DNAJC5B: variants seen among roughly 807,000 people sequenced by gnomAD.
The protein encoded by DNAJC5B is dnaJ homolog subfamily C member 5B.
Under a neutral mutation model 24.7 loss-of-function variants are expected in DNAJC5B, and 23 were observed. The ratio of observed to expected loss-of-function variants is 0.93; its 90% CI spans 0.67 to 1.32. The LOEUF is 1.32. Ranked by LOEUF, DNAJC5B falls within the 40% of genes most tolerant of loss-of-function variation. The pLI is 0.00. For missense variants in DNAJC5B, 238 were observed against 240.8 expected (o/e 0.99, Z 0.08); for synonymous variants, 101 against 90.1 (o/e 1.12, Z -0.68).
Position 66,089,638 on chromosome 8 carries a change from T to G in DNAJC5B, c.505+9090T>G, listed in dbSNP as rs1389186401. Among the ~76,000 whole-genome samples the G allele has an allele frequency of 2.6e-5, 4 of 152,214 alleles. No individual in the cohort carries two copies. The East Asian group carries it at 7.7e-4, about 29-fold the overall frequency. ...AGCTAAAGTCTAAGATACCTTTTGATGATACAAAATTGTATCAATCTTTGT... is the reference window on the plus strand; with the variant it reads ...AGCTAAAGTCTAAGATACCTTTTGAGGATACAAAATTGTATCAATCTTTGT... On this transcript the variant is annotated intron_variant, in intron 5 of 5. Transcript: ENST00000276570.
chr8:66,087,711 C>A (rs576242997), intron 5 of DNAJC5B, among the ~76,000 whole-genome samples: 72 of 152,330 alleles, frequency 4.7e-4, no homozygotes, highest in African/African-American at 1.6e-3. Flanking sequence ...CCTGGCTGGG[C>A]AGTCATTAAA....
intron 3 of DNAJC5B, chr8:66,057,066 G>T (rs963616581): frequency 6.6e-6 from 1 of 152,250 alleles, no homozygotes; most frequent in African/African-American, 2.4e-5. Flanking sequence ...GTGAACCTGG[G>T]AGGCGGAGCT....
At chr8:66,033,175 G>A (rs565995338) in intron 1 of DNAJC5B, among the ~76,000 whole-genome samples, 2 of 152,366 alleles carry the variant, frequency 1.3e-5, no homozygotes, top group South Asian at 2.1e-4. Context: ...ATCTGGAGGT[G>A]GCCTTGCAGG....
chr8:66,058,659 ATC>A (rs1807017486), intron 3 of DNAJC5B, among the ~76,000 whole-genome samples: 1 of 152,248 alleles, frequency 6.6e-6, no homozygotes, highest in African/African-American at 2.4e-5. Flanking sequence ...TCAAAGACCT[ATC>A]TCAGTCCCTC....
At chr8:66,028,484 C>T (rs1806293489) in intron 1 of DNAJC5B, among the ~76,000 whole-genome samples, 1 of 152,194 alleles carries the variant, frequency 6.6e-6, no homozygotes, top group South Asian at 2.1e-4. Flanking sequence ...CTTCTAGAGC[C>T]TACACCCTGA....
At chr8:66,034,176 TTGTGTGTGTGTGTGTG>T (rs60916429) in intron 1 of DNAJC5B, among the ~76,000 whole-genome samples, 2 of 144,188 alleles carry the variant, frequency 1.4e-5, no homozygotes, top group Non-Finnish European at 3.0e-5. Flanking sequence ...TGTTGTTGTT[TTGTGTGTGTGTGTGTG>T]TGTGTGTGTG....
intron 3 of DNAJC5B, among the ~76,000 whole-genome samples, chr8:66,060,227 C>T (rs777758094): frequency 5.3e-5 from 8 of 152,152 alleles, no homozygotes; most frequent in Admixed American, 1.3e-4. Context: ...ATCCAACAGA[C>T]CCCCCTCCTC....
chr8:66,076,970 A>G, intron 4 of DNAJC5B, 97 bp downstream of exon 4: 15 of 1,289,216 alleles, frequency 1.2e-5, no homozygotes, highest in Non-Finnish European at 1.6e-5. Context: ...CCTTCCTGCT[A>G]TTAAACTCTG....
intron 3 of DNAJC5B, among the ~76,000 whole-genome samples, chr8:66,065,678 A>T (rs1807176337): frequency 6.6e-6 from 1 of 152,174 alleles, no homozygotes; most frequent in African/African-American, 2.4e-5. Flanking sequence ...TCAAGAGAAA[A>T]GATATGACCA....
intron 1 of DNAJC5B, among the ~76,000 whole-genome samples, chr8:66,032,350 T>C (rs1806377504): frequency 6.6e-6 from 1 of 152,266 alleles, no homozygotes; most frequent in South Asian, 2.1e-4. Flanking sequence ...GCTGGGAGCC[T>C]GGAGAAGGCT....
intron 1 of DNAJC5B, among the ~76,000 whole-genome samples, chr8:66,033,903 T>C (rs938380279): frequency 4.0e-5 from 6 of 151,566 alleles, no homozygotes; most frequent in Non-Finnish European, 8.8e-5. Flanking sequence ...TGTCCAGAGA[T>C]GTGGGAGCTC....
At chr8:66,023,277 G>C (rs1216407158) in intron 1 of DNAJC5B, among the ~76,000 whole-genome samples, 3 of 152,140 alleles carry the variant, frequency 2.0e-5, no homozygotes, top group African/African-American at 7.2e-5. Flanking sequence ...CTAACTCTTT[G>C]ATTTTCTAAG....
At chr8:66,016,763 T>C (rs1230655531), upstream of DNAJC5B, among the ~76,000 whole-genome samples, 5 of 152,120 alleles carry the variant, frequency 3.3e-5, no homozygotes, top group Admixed American at 6.5e-5. Context: ...ATTGTGACTA[T>C]TTGGGGGTAA....
chr8:66,022,720 T>C (rs977592121), intron 1 of DNAJC5B, among the ~76,000 whole-genome samples: 1 of 152,192 alleles, frequency 6.6e-6, no homozygotes, highest in African/African-American at 2.4e-5. Flanking sequence ...AAAGTAGTAA[T>C]AGTCCCCAAA....
At chr8:66,064,732 A>T (rs1324671731) in intron 3 of DNAJC5B, among the ~76,000 whole-genome samples, 3 of 152,222 alleles carry the variant, frequency 2.0e-5, no homozygotes, top group Admixed American at 6.5e-5. Flanking sequence ...ATTATACAGT[A>T]CACAGAAATC....
At chr8:66,050,284 C>A (rs1050407846) in intron 2 of DNAJC5B, among the ~76,000 whole-genome samples, 4 of 152,072 alleles carry the variant, frequency 2.6e-5, no homozygotes, top group African/African-American at 9.7e-5. Context: ...CAAAACCTAG[C>A]TGAAACACAC....
chr8:66,039,981 C>A (rs1275053278), intron 1 of DNAJC5B, among the ~76,000 whole-genome samples: 1 of 152,096 alleles, frequency 6.6e-6, no homozygotes. Context: ...TGTATATAAA[C>A]GTTCTTAGTA....
At chr8:66,038,319 T>A (rs545027419) in intron 1 of DNAJC5B, among the ~76,000 whole-genome samples, 16 of 152,362 alleles carry the variant, frequency 1.1e-4, no homozygotes, top group East Asian at 5.8e-4. Context: ...GTGTCATTAA[T>A]CTCAGGAGGG....
chr8:66,044,075 G>A (rs1352009468), intron 2 of DNAJC5B, among the ~76,000 whole-genome samples: 1 of 152,104 alleles, frequency 6.6e-6, no homozygotes, highest in Non-Finnish European at 1.5e-5. Context: ...TACCCGCATT[G>A]GCCTCCCAAA....
Sources: allele counts gnomAD v4.1 joint callset (sites outside exome capture counted in the v4.1 genomes callset), GRCh38; gene constraint gnomAD v4.1.1; transcripts MANE v1.5; gene names NCBI Gene and HGNC (gene_info 2026-07-23, HGNC 2026-07-21).